The following COL27A1 variants were observed in gnomAD, a reference collection of about 807,000 sequenced individuals.
The protein encoded by COL27A1 is collagen type XXVII alpha 1 chain, also known as collagen alpha-1(XXVII) chain.
Under a neutral mutation model 251.3 loss-of-function variants are expected in COL27A1, and 106 were observed. The observed-to-expected ratio is 0.42, with a 90% CI of 0.36 to 0.50. COL27A1 has a LOEUF of 0.50. Ranked by LOEUF, COL27A1 falls within the 20% of genes least tolerant of loss-of-function variation. The pLI, the probability that COL27A1 is intolerant of heterozygous loss-of-function variation, is 0.00. For synonymous variants in COL27A1, 1,000 were observed against 986.3 expected (o/e 1.01, Z -0.26); for missense variants, 2,325 against 2,522.8 (o/e 0.92, Z 1.68).
intron 59 of COL27A1, among the ~76,000 whole-genome samples, chr9:114,308,182 C>T (rs1311648652): frequency 1.3e-5 from 2 of 152,222 alleles, no homozygotes; most frequent in Non-Finnish European, 2.9e-5. Flanking sequence ...TCAATGCCTG[C>T]GTACCACGTG....
At chr9:114,298,154 CA>C (rs1828380573) in intron 49 of COL27A1, among the ~76,000 whole-genome samples, 9 of 145,494 alleles carry the variant, frequency 6.2e-5, no homozygotes, top group Non-Finnish European at 1.4e-4. Flanking sequence ...AAAAAAAGTA[CA>C]AGATATGTTC....
At chr9:114,194,338 T>A (rs1338516607) in intron 5 of COL27A1, 66 bp from the exon 6 acceptor site, 7 of 1,495,724 alleles carry the variant, frequency 4.7e-6, no homozygotes, top group Non-Finnish European at 6.5e-6. Flanking sequence ...TTGAGCAGAG[T>A]TTGTGGGGAG....
chr9:114,217,883 G>T (rs540173973), intron 12 of COL27A1: 1 of 464,320 alleles, frequency 2.2e-6, no homozygotes, highest in Admixed American at 2.4e-5. Flanking sequence ...GGAGGCCAAG[G>T]CAGGCAGATC....
At chr9:114,236,664 C>T (rs1486907100) in intron 17 of COL27A1, among the ~76,000 whole-genome samples, 1 of 152,206 alleles carries the variant, frequency 6.6e-6, no homozygotes, top group African/African-American at 2.4e-5. Context: ...CCTGGCTCTT[C>T]CCTACTGGAC....
At chr9:114,162,362 G>T (rs564818803) in intron 1 of COL27A1, among the ~76,000 whole-genome samples, 4 of 152,364 alleles carry the variant, frequency 2.6e-5, no homozygotes, top group African/African-American at 9.6e-5. Flanking sequence ...GCTGGCCCCT[G>T]GTTGCTCACT....
At chr9:114,209,342 G>C (rs2060133) in intron 10 of COL27A1, 130,889 of 581,374 alleles carry the variant, frequency 0.23, 21,822 homozygotes, top group East Asian at 0.66. Context: ...GCTTGGTGCC[G>C]TGCTAGCATC....
At chr9:114,235,548 C>T (rs1330765347) in intron 16 of COL27A1, 51 bp from the exon 17 acceptor site, 2 of 1,483,124 alleles carry the variant, frequency 1.3e-6, no homozygotes, top group Admixed American at 3.3e-5. Flanking sequence ...GGGGAGGCTT[C>T]CAGAACCCAC....
chr9:114,285,362 G>A (rs1827393791), intron 41 of COL27A1, among the ~76,000 whole-genome samples: 1 of 152,142 alleles, frequency 6.6e-6, no homozygotes, highest in African/African-American at 2.4e-5. Flanking sequence ...GTGGGGATGT[G>A]GAGGGCCAGG....
At chr9:114,231,345 A>T (rs1408043120) in intron 15 of COL27A1, among the ~76,000 whole-genome samples, 3 of 152,286 alleles carry the variant, frequency 2.0e-5, no homozygotes, top group East Asian at 3.9e-4. Context: ...TAGGCCAGAC[A>T]TCCTCCTCTA....
At chr9:114,269,135 T>A in intron 34 of COL27A1, 106 bp from the exon 35 acceptor site, 1 of 636,036 alleles carries the variant, frequency 1.6e-6, no homozygotes, top group Non-Finnish European at 2.6e-6. Flanking sequence ...CTTCCCCAGC[T>A]CCTCCTCCCA....
At chr9:114,302,153 A>T in intron 56 of COL27A1, 45 bp downstream of exon 56, 1 of 1,559,234 alleles carries the variant, frequency 6.4e-7, no homozygotes, top group Non-Finnish European at 8.8e-7. Context: ...GTAAGGCCTG[A>T]GGGGTTTGGG....
intron 59 of COL27A1, 114 bp downstream of exon 59, chr9:114,307,892 C>G: frequency 1.5e-6 from 1 of 687,296 alleles, no homozygotes. Flanking sequence ...ACTGCATGCC[C>G]TTGGGAAAGT....
Position 114,155,851 on chromosome 9 carries a change from C to T in COL27A1, c.-100C>T. On this transcript the variant is annotated 5_prime_UTR_variant, in exon 1 of 61. Transcript: ENST00000356083. The surrounding 1 kb of genome is among the most constrained non-coding windows in gnomAD (Gnocchi z 5.5). ...GCGCTGGGGGCGCGGGGGCCGCGCG[C>T]TCTAAGCCGGCCTGGCGCGGCGGGG... 2 of 959,118 alleles carry T rather than the reference C, an allele frequency of 2.1e-6. No homozygotes were observed. The highest frequency in any genetic ancestry group is 1.3e-6 in the Non-Finnish European group (1 of 794,736). The allele number at this position is 959,118 out of a possible 1,614,324, so 59.4% of individuals were successfully genotyped here.
intron 7 of COL27A1, among the ~76,000 whole-genome samples, chr9:114,201,549 G>A (rs371544602): frequency 5.9e-5 from 9 of 152,302 alleles, no homozygotes; most frequent in African/African-American, 1.9e-4. Flanking sequence ...AGGGTCCCTT[G>A]ATCAAGAGAT....
chr9:114,223,322 A>G (rs1831243494), intron 14 of COL27A1, among the ~76,000 whole-genome samples: 1 of 152,158 alleles, frequency 6.6e-6, no homozygotes. Flanking sequence ...CACTCCAGCA[A>G]CTGTACTGAG....
chr9:114,197,805 C>G (rs1829260271), intron 7 of COL27A1, among the ~76,000 whole-genome samples: 19 of 152,262 alleles, frequency 1.2e-4, no homozygotes, highest in African/African-American at 3.6e-4. Context: ...CCCTCTGGCC[C>G]TGGCCTAGAC....
intron 7 of COL27A1, among the ~76,000 whole-genome samples, chr9:114,202,118 C>T (rs1157649333): frequency 3.9e-5 from 6 of 152,210 alleles, no homozygotes; most frequent in Non-Finnish European, 7.3e-5. Flanking sequence ...ACTGTGCATG[C>T]CCGTGATGAT....
intron 3 of COL27A1, among the ~76,000 whole-genome samples, chr9:114,171,052 A>G (rs1197497690): frequency 6.6e-6 from 1 of 152,186 alleles, no homozygotes; most frequent in Non-Finnish European, 1.5e-5. Flanking sequence ...CAGATTCTAT[A>G]GTATCTTGGG....
chr9:114,158,305 G>A (rs1007234408), intron 1 of COL27A1, among the ~76,000 whole-genome samples: 5 of 152,334 alleles, frequency 3.3e-5, no homozygotes, highest in African/African-American at 1.2e-4. Flanking sequence ...GGGTTTCTAA[G>A]ATCCTGTGTG....
Sources: allele counts gnomAD v4.1 joint callset (sites outside exome capture counted in the v4.1 genomes callset), GRCh38; gene constraint gnomAD v4.1.1; non-coding constraint Gnocchi (gnomAD v3.1); transcripts MANE v1.5; gene names NCBI Gene and HGNC (gene_info 2026-07-23, HGNC 2026-07-21).